LDB2: variants seen among roughly 807,000 people sequenced by gnomAD.
LDB2 encodes the protein LIM domain binding 2, also known as LIM domain-binding protein 2.
A neutral mutation model predicts 44.3 loss-of-function variants in LDB2; 12 were observed. The observed-to-expected ratio is 0.27, with a 90% confidence interval of 0.17 to 0.44. The LOEUF is 0.44. Ranked by LOEUF, LDB2 falls within the 20% of genes least tolerant of loss-of-function variation. The probability of loss-of-function intolerance (pLI) is 1.00; values close to 1 mark genes in which losing one functional copy is unlikely to be tolerated. For missense variants in LDB2, 344 were observed against 473.5 expected, an observed-to-expected ratio of 0.73 and a Z score of 2.54; for synonymous variants, 164 against 174.8, an observed-to-expected ratio of 0.94 and a Z score of 0.49.
intron 5 of LDB2, among the ~76,000 whole-genome samples, chr4:16,583,752 C>T (rs573607418): frequency 3.3e-5 from 5 of 152,248 alleles, no homozygotes; most frequent in East Asian, 1.9e-4. Context: ...CACGTCAGCC[C>T]GAAGGATTTG....
intron 1 of LDB2, among the ~76,000 whole-genome samples, chr4:16,849,760 C>T (rs562519133): frequency 1.3e-5 from 2 of 152,304 alleles, no homozygotes; most frequent in South Asian, 2.1e-4. Context: ...TCCCTCTTAT[C>T]ACTCTCTGGC....
At chr4:16,642,856 G>A (rs1735592314) in intron 2 of LDB2, among the ~76,000 whole-genome samples, 1 of 152,158 alleles carries the variant, frequency 6.6e-6, no homozygotes, top group Non-Finnish European at 1.5e-5. Flanking sequence ...TTCACATCAA[G>A]ATCAACATAG....
chr4:16,626,206 T>TG, intron 2 of LDB2, among the ~76,000 whole-genome samples: 1 of 152,328 alleles, frequency 6.6e-6, no homozygotes, highest in African/African-American at 2.4e-5. Context: ...ACATCTAATG[T>TG]TCTCTTTCCA....
At chr4:16,868,162 C>T (rs999321647) in intron 1 of LDB2, among the ~76,000 whole-genome samples, 1 of 152,062 alleles carries the variant, frequency 6.6e-6, no homozygotes, top group African/African-American at 2.4e-5. Context: ...GTAGGTATCA[C>T]CCATTTTATT....
At chr4:16,684,087 A>G (rs1221862991) in intron 2 of LDB2, among the ~76,000 whole-genome samples, 5 of 152,220 alleles carry the variant, frequency 3.3e-5, no homozygotes, top group Admixed American at 6.5e-5. Flanking sequence ...ACTTTCCTCC[A>G]TGGAAAATGG....
At chr4:16,665,253 C>CT (rs5856375) in intron 2 of LDB2, among the ~76,000 whole-genome samples, 139,697 of 142,322 alleles carry the variant, frequency 0.98, 68,603 homozygotes, top group Middle Eastern at 1. Context: ...TAGATATTCT[C>CT]TTTTTTTTTC....
At chr4:16,681,623 T>C (rs1429623456) in intron 2 of LDB2, among the ~76,000 whole-genome samples, 1 of 133,266 alleles carries the variant, frequency 7.5e-6, no homozygotes, top group African/African-American at 2.8e-5. Flanking sequence ...CTATTCTTTT[T>C]TTTTTTTTTT....
intron 2 of LDB2, among the ~76,000 whole-genome samples, chr4:16,682,279 A>C (rs1455688785): frequency 6.6e-6 from 1 of 152,204 alleles, no homozygotes; most frequent in Non-Finnish European, 1.5e-5. Context: ...AGATTCTGTC[A>C]GCCATAAAAA....
intron 1 of LDB2, among the ~76,000 whole-genome samples, chr4:16,887,940 C>T (rs555954507): frequency 1.7e-3 from 260 of 152,090 alleles, no homozygotes; most frequent in African/African-American, 5.3e-3. Context: ...AGACAGGTAG[C>T]GTTACTACCC....
At chr4:16,654,178 A>C (rs533082361) in intron 2 of LDB2, among the ~76,000 whole-genome samples, 62 of 152,354 alleles carry the variant, frequency 4.1e-4, no homozygotes, top group African/African-American at 1.3e-3. Flanking sequence ...GAACAATATA[A>C]GGAAATTATG....
chr4:16,735,060 T>A (rs569562701), intron 2 of LDB2, among the ~76,000 whole-genome samples: 1 of 152,042 alleles, frequency 6.6e-6, no homozygotes, highest in Non-Finnish European at 1.5e-5. Context: ...ATCACATGGG[T>A]ACAAAAGAAA....
chr4:16,594,305 G>A (rs1384560057), intron 3 of LDB2, among the ~76,000 whole-genome samples: 1 of 152,158 alleles, frequency 6.6e-6, no homozygotes, highest in East Asian at 1.9e-4. Context: ...TTATGTAAAT[G>A]TTCTGCATCT....
intron 2 of LDB2, among the ~76,000 whole-genome samples, chr4:16,622,202 G>A (rs1436167604): frequency 2.6e-5 from 4 of 152,104 alleles, no homozygotes; most frequent in Non-Finnish European, 5.9e-5. Flanking sequence ...TAAGTGGGCC[G>A]GATACCAGTT....
At chr4:16,748,026 T>A (rs900676879) in intron 2 of LDB2, among the ~76,000 whole-genome samples, 4 of 152,214 alleles carry the variant, frequency 2.6e-5, no homozygotes, top group Non-Finnish European at 5.9e-5. Context: ...TAAGGAAAGT[T>A]TGTAAAAATA....
Position 16,503,850 on chromosome 4 carries a change from G to A in LDB2, c.892-977C>T, listed in dbSNP as rs193118337. On this transcript the variant is annotated intron_variant, in intron 7 of 7. Transcript: ENST00000304523. Reference sequence around the variant, plus strand: ...AGCCACCTACTGTAGCTGGGAGCATGGGGAGGCCACAGCTGGAGAGGCCAG... The same window carrying A: ...AGCCACCTACTGTAGCTGGGAGCATAGGGAGGCCACAGCTGGAGAGGCCAG... 1.2e-4 allele frequency among the ~76,000 whole-genome samples: 19 copies of A among 152,302 alleles called. No individual in the cohort carries two copies. The East Asian group carries it at 3.1e-3, about 25-fold the overall frequency.
chr4:16,765,205 A>G (rs577949198), intron 1 of LDB2, among the ~76,000 whole-genome samples: 1 of 152,328 alleles, frequency 6.6e-6, no homozygotes, highest in South Asian at 2.1e-4. Context: ...AAGAGAGTCT[A>G]TCCAGAGAAA....
At chr4:16,608,604 T>A (rs1010030782) in intron 2 of LDB2, among the ~76,000 whole-genome samples, 2 of 152,198 alleles carry the variant, frequency 1.3e-5, no homozygotes, top group African/African-American at 4.8e-5. Flanking sequence ...TGCCAATGCT[T>A]ACAGCAGCAC....
intron 1 of LDB2, among the ~76,000 whole-genome samples, chr4:16,875,795 GGAT>G (rs1239198247): frequency 3.3e-5 from 5 of 152,130 alleles, no homozygotes. Context: ...TAACTGCTGG[GGAT>G]GATATTTGCC....
intron 2 of LDB2, among the ~76,000 whole-genome samples, chr4:16,642,130 G>T (rs1267642768): frequency 1.3e-5 from 2 of 152,138 alleles, no homozygotes; most frequent in African/African-American, 2.4e-5. Flanking sequence ...TCAAAACTTG[G>T]TCTCATCTCC....
Sources: gnomAD v4.1 joint callset for allele counts (sites outside exome capture counted in the v4.1 genomes callset) on GRCh38, gnomAD v4.1.1 for gene constraint, MANE v1.5 for transcripts, NCBI Gene and HGNC (gene_info 2026-07-23, HGNC 2026-07-21) for gene names.